The following SPEF2 variants were observed in gnomAD, a reference collection of about 807,000 sequenced individuals.
SPEF2 encodes the protein sperm flagellar and cilia associated 2, also known as sperm flagella and cilia-associated protein 2.
Under a neutral mutation model 224.6 loss-of-function variants are expected in SPEF2, and 187 were observed. That is an observed-to-expected ratio of 0.83 (90% CI 0.74 to 0.94). The LOEUF is 0.94. SPEF2 is among the 40% of genes least tolerant of loss of function. The pLI is 0.00. For synonymous variants in SPEF2, 715 were observed against 707.3 expected (o/e 1.01, Z -0.17); for missense variants, 2,170 against 2,135.6 (o/e 1.02, Z -0.32).
In SPEF2 at chr5:35,714,432, A is replaced by G. The variant is rs956228903; in HGVS notation, c.2914+1546A>G. On this transcript the variant is annotated intron_variant, in intron 20 of 36. Coordinates refer to ENST00000356031, the MANE Select transcript of SPEF2 (RefSeq NM_024867.4). ...ATTTATGAGGGGTGGTGTCCCTTTT[A>G]CGGTATTTGGATATGTACTCTGTAA... 2.0e-5 allele frequency among the ~76,000 whole-genome samples: 3 copies of G among 151,548 alleles called. 1 individual carries two copies. The highest frequency in any genetic ancestry group is 2.4e-5 in the African/African-American group (1 of 41,280).
In SPEF2 at chr5:35,793,164, G is replaced by A; in HGVS notation, c.4560G>A (p.Gln1520=). ...NWMHLTQPEL[Q]ELTSLLTVNS... ...TATTTCCTGTTTTCTTCTAGTTACA[G>A]GAATTAACATCTTTATTAACAGTCA... The change falls in exon 32 of 37, where the codon CAG becomes CAA. Residue 1520 remains glutamine, a synonymous_variant. Transcript: ENST00000356031. 1 of 1,613,530 alleles carries A rather than the reference G, an allele frequency of 6.2e-7. No homozygotes were observed. The highest frequency in any genetic ancestry group is 8.5e-7 in the Non-Finnish European group (1 of 1,179,718).
chr5:35,807,721 G>A, intron 36 of SPEF2: 1 of 1,536,030 alleles, frequency 6.5e-7, no homozygotes, highest in Non-Finnish European at 8.7e-7. Context: ...TGTGCAAGAT[G>A]GAGAAACTAA....
chr5:35,726,994 T>A (rs1249028863), intron 20 of SPEF2, among the ~76,000 whole-genome samples: 1 of 141,948 alleles, frequency 7.0e-6, no homozygotes. Context: ...CCCCCCCCTT[T>A]CCTCCCCTCC....
At chr5:35,783,379 A>C (rs1441364691) in intron 30 of SPEF2, among the ~76,000 whole-genome samples, 1 of 152,192 alleles carries the variant, frequency 6.6e-6, no homozygotes, top group Non-Finnish European at 1.5e-5. Context: ...GAGAATAATA[A>C]TGATACTTAT....
chr5:35,784,671 T>G (rs572636990), intron 30 of SPEF2, among the ~76,000 whole-genome samples: 1 of 151,628 alleles, frequency 6.6e-6, no homozygotes, highest in African/African-American at 2.4e-5. Flanking sequence ...CTGTGGAGAT[T>G]TTGAGGTTGC....
chr5:35,766,550 T>A lies in SPEF2; in HGVS notation c.3801+2848T>A, dbSNP rs190569357. Among the ~76,000 whole-genome samples the A allele has an allele frequency of 2.8e-4, 43 of 152,172 alleles. 1 individual carries two copies. The East Asian group carries it at 7.1e-3, about 25-fold the overall frequency. ...TTATTTGTGCTTTTCCTCTTTTTTTTAAATCAGCTTAGCCAGATGTTTATC... is the reference window on the plus strand; with the variant it reads ...TTATTTGTGCTTTTCCTCTTTTTTTAAAATCAGCTTAGCCAGATGTTTATC... On this transcript the variant is annotated intron_variant, in intron 26 of 36. Transcript: ENST00000356031.
chr5:35,793,061 T>G, intron 31 of SPEF2, 98 bp from the exon 32 acceptor site: 1 of 1,155,090 alleles, frequency 8.7e-7, no homozygotes, highest in Non-Finnish European at 1.2e-6. Context: ...AAAGTCCTAC[T>G]TCTTTCATGG....
intron 1 of SPEF2, among the ~76,000 whole-genome samples, chr5:35,618,284 C>G (rs1294484286): frequency 1.3e-5 from 2 of 152,174 alleles, no homozygotes; most frequent in South Asian, 2.1e-4. Flanking sequence ...CTTGTCACGT[C>G]CCCACTCTGC....
chr5:35,640,351 A>C lies in SPEF2; in HGVS notation c.162-1080A>C, dbSNP rs927323803. Among the ~76,000 whole-genome samples, 3 of 152,164 alleles carry C rather than the reference A, an allele frequency of 2.0e-5. 1 individual carries two copies. Among genetic ancestry groups the C allele is most frequent in the African/African-American group, 2.4e-5 (1 of 41,440 alleles). ...AGTGAGCAAAGCACACAGGACTCCT[A>C]AAATGGGAAGGGCATGAAAGGACGA... On this transcript the variant is annotated intron_variant, in intron 2 of 36. Transcript: ENST00000356031.
intron 10 of SPEF2, among the ~76,000 whole-genome samples, chr5:35,679,769 C>A (rs930548439): frequency 3.9e-5 from 6 of 152,172 alleles, no homozygotes; most frequent in African/African-American, 1.4e-4. Flanking sequence ...TTAAACCTGA[C>A]TTATTTCCTG....
At chr5:35,715,836 G>A (rs1323845193) in intron 20 of SPEF2, among the ~76,000 whole-genome samples, 1 of 14,776 alleles carries the variant, frequency 6.8e-5, no homozygotes, top group African/African-American at 1.7e-4. Context: ...TTTTTTTTGA[G>A]ACAGAGTCTT....
At chr5:35,629,750 A>G (rs899468238) in intron 2 of SPEF2, among the ~76,000 whole-genome samples, 3 of 152,144 alleles carry the variant, frequency 2.0e-5, no homozygotes, top group African/African-American at 7.2e-5. Flanking sequence ...TTCTGTCTCT[A>G]TGGATTTGCC....
intron 2 of SPEF2, among the ~76,000 whole-genome samples, chr5:35,640,624 A>C (rs1456276475): frequency 6.6e-6 from 1 of 152,174 alleles, no homozygotes; most frequent in East Asian, 1.9e-4. Flanking sequence ...TTCTTGTAGC[A>C]TGCATTATCT....
intron 8 of SPEF2, among the ~76,000 whole-genome samples, chr5:35,660,677 G>C (rs1749573806): frequency 6.6e-6 from 1 of 152,138 alleles, no homozygotes; most frequent in African/African-American, 2.4e-5. Context: ...GGCAACAATA[G>C]ACTTGACTAG....
intron 34 of SPEF2, among the ~76,000 whole-genome samples, chr5:35,805,097 G>A (rs985738158): frequency 6.6e-6 from 1 of 152,150 alleles, no homozygotes; most frequent in Non-Finnish European, 1.5e-5. Context: ...CTGCCATGTA[G>A]CATTTCCAGA....
At chr5:35,793,412 A>G (rs1420076135) in intron 32 of SPEF2, 71 bp downstream of exon 32, 27 of 1,458,898 alleles carry the variant, frequency 1.9e-5, no homozygotes, top group Non-Finnish European at 2.3e-5. Flanking sequence ...TTACTCAATG[A>G]TGTTACATTG....
At chr5:35,795,627 C>A in intron 32 of SPEF2, 76 bp from the exon 33 acceptor site, 1 of 1,286,584 alleles carries the variant, frequency 7.8e-7, no homozygotes, top group Non-Finnish European at 1.1e-6. Context: ...AAGATTGGCT[C>A]AGTCTCTGTG....
intron 21 of SPEF2, among the ~76,000 whole-genome samples, chr5:35,736,922 TA>T (rs70973057): frequency 0.89 from 134,848 of 151,682 alleles, 59,992 homozygotes; most frequent in South Asian, 0.93. Flanking sequence ...TCCAAAAAAA[TA>T]AAAAAAAACA....
intron 30 of SPEF2, among the ~76,000 whole-genome samples, chr5:35,785,677 G>C (rs1375840654): frequency 1.3e-5 from 2 of 150,636 alleles, no homozygotes; most frequent in South Asian, 4.2e-4. Flanking sequence ...GAGACTACAG[G>C]TGCCTGCAAG....
Sources: gnomAD v4.1 joint callset for allele counts (sites outside exome capture counted in the v4.1 genomes callset) on GRCh38, gnomAD v4.1.1 for gene constraint, MANE v1.5 for transcripts, NCBI Gene and HGNC (gene_info 2026-07-23, HGNC 2026-07-21) for gene names.